The following PHACTR2 variants were observed in gnomAD, a reference collection of about 807,000 sequenced individuals.
The protein encoded by PHACTR2 is phosphatase and actin regulator 2.
In PHACTR2, 30 loss-of-function variants were observed where a neutral mutation model predicts 76.0. That is an observed-to-expected ratio of 0.39 (90% CI 0.30 to 0.54). The LOEUF (loss-of-function observed/expected upper bound fraction) is 0.54. PHACTR2 is among the 20% of genes least tolerant of loss of function. The pLI, the probability that PHACTR2 is intolerant of heterozygous loss-of-function variation, is 0.61. For synonymous variants in PHACTR2, 292 were observed against 292.5 expected (o/e 1.00, Z 0.02); for missense variants, 696 against 781.1 (o/e 0.89, Z 1.30).
rs1288103310 is a variant in PHACTR2 at position 143,827,495 on chromosome 6, AG to A, written c.*3807del. Reference sequence around the variant, plus strand: ...CTTGCTGCAAATTTCAAACAGAGCAAGAAATCTTCCTCAGAGTAGGTGGTAT... The same window carrying A: ...CTTGCTGCAAATTTCAAACAGAGCAAAAATCTTCCTCAGAGTAGGTGGTAT... On this transcript the variant is annotated 3_prime_UTR_variant, in exon 13 of 13. Coordinates refer to ENST00000440869, the MANE Select transcript of PHACTR2 (RefSeq NM_001100164.2). 1 of 152,208 alleles carries A rather than the reference AG, an allele frequency of 6.6e-6. No homozygotes were observed. The highest frequency in any genetic ancestry group is 2.1e-4 in the South Asian group (1 of 4,824). The allele number at this position is 152,208 out of a possible 1,614,324, so 9.4% of individuals were successfully genotyped here.
intron 11 of PHACTR2, among the ~76,000 whole-genome samples, chr6:143,798,157 G>A (rs1209605563): frequency 6.6e-6 from 1 of 152,114 alleles, no homozygotes; most frequent in Non-Finnish European, 1.5e-5. Context: ...TCTCTTTGTA[G>A]CAATTGTGAA....
rs1357914622 is a variant in PHACTR2, at chr6:143,654,418, C to T, written c.13+46096C>T. On this transcript the variant is annotated intron_variant, in intron 1 of 11. Transcript: ENST00000305766. This position sits in a 1 kb window ranked among gnomAD's most constrained non-coding sequence, Gnocchi z 4.6. ...TGCAGAGCAGCATTATTCTTAACAG[C>T]CTAAAAGTGGAAACAACCCAAATGT... Among the ~76,000 whole-genome samples the T allele has an allele frequency of 6.6e-6, 1 of 152,058 alleles. No homozygotes were observed. Among genetic ancestry groups the T allele is most frequent in the African/African-American group, 2.4e-5 (1 of 41,386 alleles).
rs1262462014 is a variant in PHACTR2 at position 143,806,515 on chromosome 6, G to T, written c.1846-542G>T. ...CTTTCCTTGTGGTCATCGTGGGTGGGGGATGTTCCGTGTGACTCATAGACC... is the reference window on the plus strand; with the variant it reads ...CTTTCCTTGTGGTCATCGTGGGTGGTGGATGTTCCGTGTGACTCATAGACC... On this transcript the variant is annotated intron_variant, in intron 11 of 12. Transcript: ENST00000440869. This position sits in a 1 kb window ranked among gnomAD's most constrained non-coding sequence, Gnocchi z 5.8. Among the ~76,000 whole-genome samples the T allele has an allele frequency of 2.0e-5, 3 of 152,100 alleles. No homozygotes were observed. The highest frequency in any genetic ancestry group is 7.2e-5 in the African/African-American group (3 of 41,404).
At chr6:143,769,434 TA>T (rs1351334526) in intron 6 of PHACTR2, among the ~76,000 whole-genome samples, 3 of 152,192 alleles carry the variant, frequency 2.0e-5, no homozygotes, top group Non-Finnish European at 4.4e-5. Context: ...ATATAATTTA[TA>T]ACATAACTCA....
rs1371595729 is a variant in PHACTR2, at chr6:143,664,320, A to G, written c.14-47696A>G. Among the ~76,000 whole-genome samples, 1 of 152,124 alleles carries G rather than the reference A, an allele frequency of 6.6e-6. No individual in the cohort carries two copies. The highest frequency in any genetic ancestry group is 1.9e-4 in the East Asian group (1 of 5,198). On this transcript the variant is annotated intron_variant, in intron 1 of 11. Transcript: ENST00000305766. This position sits in a 1 kb window ranked among gnomAD's most constrained non-coding sequence, Gnocchi z 5.1. The stretch of plus-strand genomic sequence containing the variant: ...TGTCTTCTAAAAATGACAGATAAAG[A>G]AAGAGATGTACTATGTTTCTGCTGC...
At chr6:143,612,330 C>T (rs533519943) in intron 1 of PHACTR2, among the ~76,000 whole-genome samples, 1 of 152,162 alleles carries the variant, frequency 6.6e-6, no homozygotes, top group Non-Finnish European at 1.5e-5. Context: ...TCATTTCAAG[C>T]TGGTTCAAAA....
chr6:143,684,619 T>A lies in PHACTR2; in HGVS notation c.46+6410T>A, dbSNP rs2128454167. On this transcript the variant is annotated intron_variant, in intron 1 of 12. Coordinates refer to ENST00000440869, the MANE Select transcript of PHACTR2 (RefSeq NM_001100164.2). This position sits in a 1 kb window ranked among gnomAD's most constrained non-coding sequence, Gnocchi z 4.3. ...CTTTCTCAGTGTTATCTGCTTATTA[T>A]ATGAGAATTTCTGTTTCTGTACTCT... Among the ~76,000 whole-genome samples the A allele has an allele frequency of 6.6e-6, 1 of 152,374 alleles. No individual in the cohort carries two copies. Among genetic ancestry groups the A allele is most frequent in the South Asian group, 2.1e-4 (1 of 4,832 alleles).
Position 143,639,761 on chromosome 6 carries a change from C to T in PHACTR2, c.13+31439C>T, listed in dbSNP as rs1776531874. On this transcript the variant is annotated intron_variant, in intron 1 of 11. Transcript: ENST00000305766. This position sits in a 1 kb window ranked among gnomAD's most constrained non-coding sequence, Gnocchi z 5.0. ...TCATTCCTCTTAGGCAAATATGAAA[C>T]ATACACAAATATTGACTATTTACAC... is the stretch of plus-strand genomic sequence containing the variant. Among the ~76,000 whole-genome samples, 1 of 152,178 alleles carries T rather than the reference C, an allele frequency of 6.6e-6. No homozygotes were observed. Among genetic ancestry groups the T allele is most frequent in the South Asian group, 2.1e-4 (1 of 4,836 alleles).
In PHACTR2 at chr6:143,824,755, T is replaced by G. The variant is rs1776500430; in HGVS notation, c.*1066T>G. ...AGTTATTTTTTTAGTGCTGCATTTT[T>G]TTAAAGTTGGATTGCTGCTATTTAA... On this transcript the variant is annotated 3_prime_UTR_variant, in exon 13 of 13. Coordinates refer to ENST00000440869, the MANE Select transcript of PHACTR2 (RefSeq NM_001100164.2). This position sits in a 1 kb window ranked among gnomAD's most constrained non-coding sequence, Gnocchi z 6.3. 6.6e-6 allele frequency: 1 copy of G among 152,416 alleles called. No individual in the cohort carries two copies. The highest frequency in any genetic ancestry group is 6.6e-5 in the Admixed American group (1 of 15,258). The allele number at this position is 152,416 out of a possible 1,614,324, so 9.4% of individuals were successfully genotyped here.
At position 143,618,751 on chromosome 6, in the gene PHACTR2, C is replaced by T. The variant is rs910180405; in HGVS notation, c.13+10429C>T. The stretch of plus-strand genomic sequence containing the variant: ...GTCTTAGCCTCAGCTCAAGTGTCCC[C>T]GTTTGCTCCAAACCATCCTCAACTC... On this transcript the variant is annotated intron_variant, in intron 1 of 11. Coordinates refer to the PHACTR2 transcript ENST00000305766. The surrounding 1 kb of genome is among the most constrained non-coding windows in gnomAD (Gnocchi z 5.2). Among the ~76,000 whole-genome samples, 14 of 152,100 alleles carry T rather than the reference C, an allele frequency of 9.2e-5. No homozygotes were observed. The highest frequency in any genetic ancestry group is 2.6e-4 in the Admixed American group (4 of 15,276).
At chr6:143,769,976 C>T (rs1775059071) in intron 6 of PHACTR2, among the ~76,000 whole-genome samples, 1 of 152,068 alleles carries the variant, frequency 6.6e-6, no homozygotes, top group Admixed American at 6.6e-5. Flanking sequence ...ATAGAATTAC[C>T]ATGTGATCCA....
At chr6:143,564,184 TGTGTGTGTGTG>T (rs1775325287) in intron 1 of PHACTR2, among the ~76,000 whole-genome samples, 2 of 44,950 alleles carry the variant, frequency 4.4e-5, no homozygotes, top group South Asian at 6.7e-4. Context: ...TGTGTGTGTA[TGTGTGTGTGTG>T]CATATATATA....
At chr6:143,638,576 TACACAC>T (rs113707533) in intron 1 of PHACTR2, among the ~76,000 whole-genome samples, 9 of 146,938 alleles carry the variant, frequency 6.1e-5, no homozygotes, top group Non-Finnish European at 1.0e-4. Context: ...CACACACACA[TACACAC>T]ACACACACAC....
At chr6:143,766,333 T>G (rs1779562673) in intron 6 of PHACTR2, among the ~76,000 whole-genome samples, 1 of 152,250 alleles carries the variant, frequency 6.6e-6, no homozygotes, top group Non-Finnish European at 1.5e-5. Flanking sequence ...TTGGTTATTG[T>G]GTCTACTATA....
Position 143,578,900 on chromosome 6 carries a change from C to A in PHACTR2, c.217+41693C>A. ...CCCTCTACCCTCATAATCCTGCCCC[C>A]AAAACTTTTTTTTTTGTTGTTGAGA... On this transcript the variant is annotated intron_variant, in intron 1 of 11. Coordinates refer to the PHACTR2 transcript ENST00000367584. This position sits in a 1 kb window ranked among gnomAD's most constrained non-coding sequence, Gnocchi z 4.5. Among the ~76,000 whole-genome samples, 1 of 139,170 alleles carries A rather than the reference C, an allele frequency of 7.2e-6. No individual in the cohort carries two copies. The highest frequency in any genetic ancestry group is 2.6e-4 in the South Asian group (1 of 3,912). 91.3% of individuals were successfully genotyped at this position (139,170 alleles called of 152,430 possible). A position where few individuals can be genotyped will look rare whatever the true frequency, so the allele number is the denominator to read the frequency against.
At position 143,664,684 on chromosome 6, in the gene PHACTR2, G is replaced by T. The variant is rs1777003151; in HGVS notation, c.14-47332G>T. Among the ~76,000 whole-genome samples, 2 of 152,100 alleles carry T rather than the reference G, an allele frequency of 1.3e-5. No homozygotes were observed. Among genetic ancestry groups the T allele is most frequent in the African/African-American group, 2.4e-5 (1 of 41,410 alleles). On this transcript the variant is annotated intron_variant, in intron 1 of 11. Transcript: ENST00000305766. The surrounding 1 kb of genome is among the most constrained non-coding windows in gnomAD (Gnocchi z 5.1). ...TTAAAACTTCACTACTTCCTCATTT[G>T]CAGAGCCGATAGTTTATTAAATTCA...
At chr6:143,579,817 A>G (rs111448614) in intron 1 of PHACTR2, among the ~76,000 whole-genome samples, 56 of 152,170 alleles carry the variant, frequency 3.7e-4, no homozygotes, top group South Asian at 2.1e-4. Context: ...TCTGTGAGTC[A>G]GGAATCCAGG....
chr6:143,804,460 T>G (rs1776024218), intron 11 of PHACTR2, among the ~76,000 whole-genome samples: 1 of 152,218 alleles, frequency 6.6e-6, no homozygotes, highest in Non-Finnish European at 1.5e-5. Context: ...GTTACAGGAC[T>G]CACCCAGAGT....
Position 143,549,999 on chromosome 6 carries a change from G to T in PHACTR2, c.217+12792G>T, listed in dbSNP as rs529743255. Among the ~76,000 whole-genome samples the T allele has an allele frequency of 6.2e-4, 94 of 152,104 alleles. No homozygotes were observed. Among genetic ancestry groups the T allele is most frequent in the African/African-American group, 2.1e-3 (87 of 41,538 alleles). ...TCCCGGTCAGCTTACACCAGAAAGT[G>T]CCAAGGCTACCATTTTTTGCTAGGT... On this transcript the variant is annotated intron_variant, in intron 1 of 11. Transcript: ENST00000367584. This position sits in a 1 kb window ranked among gnomAD's most constrained non-coding sequence, Gnocchi z 4.2.
Sources: gnomAD v4.1 joint callset for allele counts (sites outside exome capture counted in the v4.1 genomes callset) on GRCh38, gnomAD v4.1.1 for gene constraint, Gnocchi (gnomAD v3.1) non-coding constraint, MANE v1.5 for transcripts, NCBI Gene and HGNC (gene_info 2026-07-23, HGNC 2026-07-21) for gene names.